The following SREBF2 variants were observed in gnomAD, a reference collection of about 807,000 sequenced individuals.
SREBF2 encodes sterol regulatory element binding transcription factor 2.
SREBF2 carries 55 observed loss-of-function variants against 113.1 expected under a neutral mutation model. The ratio of observed to expected loss-of-function variants is 0.49; its 90% CI spans 0.39 to 0.61. SREBF2 has a LOEUF of 0.61. SREBF2 is among the 20% of genes least tolerant of loss of function. The pLI is 0.00. For missense variants in SREBF2, 1,349 were observed against 1,487.4 expected, an observed-to-expected ratio of 0.91 and a Z score of 1.53; for synonymous variants, 593 against 605.7, an observed-to-expected ratio of 0.98 and a Z score of 0.31.
intron 17 of SREBF2, 40 bp downstream of exon 17, chr22:41,903,195 C>T (rs1473936217): frequency 6.5e-7 from 1 of 1,542,096 alleles, no homozygotes; most frequent in Non-Finnish European, 8.7e-7. Context: ...CAGATTGGAG[C>T]CTGTGGGGCC....
At chr22:41,880,659 C>T in intron 9 of SREBF2, 57 bp from the exon 10 acceptor site, 1 of 1,611,468 alleles carries the variant, frequency 6.2e-7, no homozygotes, top group Non-Finnish European at 8.5e-7. Context: ...AAGTCTATAT[C>T]AAAACAAAAA....
rs576787222 is a variant in SREBF2 at position 41,902,095 on chromosome 22, A to T, written c.2908-875A>T. Reference sequence around the variant, plus strand: ...TCAAGGCCTTGTGCAGGGACAGGGCAGGGTCTTCCTCAGGCCCAGTGTCCT... The same window carrying T: ...TCAAGGCCTTGTGCAGGGACAGGGCTGGGTCTTCCTCAGGCCCAGTGTCCT... On this transcript the variant is annotated intron_variant, in intron 16 of 18. Transcript: ENST00000361204. 2.1e-3 allele frequency among the ~76,000 whole-genome samples: 314 copies of T among 152,362 alleles called. 1 individual carries two copies. Among genetic ancestry groups the T allele is most frequent in the African/African-American group, 6.9e-3 (289 of 41,594 alleles).
At position 41,891,573 on chromosome 22, in the gene SREBF2, C is replaced by G. The variant is rs549125555; in HGVS notation, c.2209-1544C>G. Among the ~76,000 whole-genome samples, 164 of 152,322 alleles carry G rather than the reference C, an allele frequency of 1.1e-3. 1 individual carries two copies. The highest frequency in any genetic ancestry group is 1.8e-3 in the Non-Finnish European group (125 of 68,040). On this transcript the variant is annotated intron_variant, in intron 11 of 18. Transcript: ENST00000361204. Reference sequence around the variant, plus strand: ...CACTCTGACAGTGCTATTTCTGACCCTGGCATTCAAGTCTTCTGAAGCCGT... The same window carrying G: ...CACTCTGACAGTGCTATTTCTGACCGTGGCATTCAAGTCTTCTGAAGCCGT...
intron 1 of SREBF2, among the ~76,000 whole-genome samples, chr22:41,864,323 A>ATT (rs1300330185): frequency 5.1e-5 from 4 of 77,920 alleles, no homozygotes; most frequent in African/African-American, 1.7e-4. Context: ...ATATATATAT[A>ATT]TTTTTTTTTT....
At chr22:41,877,505 G>A (rs1354516613) in intron 8 of SREBF2, 84 bp downstream of exon 8, 2 of 1,498,488 alleles carry the variant, frequency 1.3e-6, no homozygotes, top group East Asian at 4.8e-5. Context: ...TTCTTGGCTT[G>A]GCTACCAGGT....
chr22:41,861,444 C>T (rs1439621209), intron 1 of SREBF2, among the ~76,000 whole-genome samples: 1 of 151,394 alleles, frequency 6.6e-6, no homozygotes, highest in East Asian at 1.9e-4. Context: ...TGTGGTGAGC[C>T]AAGATCATGC....
intron 1 of SREBF2, among the ~76,000 whole-genome samples, chr22:41,844,145 T>C (rs1466378853): frequency 1.3e-5 from 2 of 152,016 alleles, no homozygotes; most frequent in Non-Finnish European, 2.9e-5. Context: ...CCCTGGGTCC[T>C]AGGGTACTTT....
At chr22:41,896,657 C>G (rs1054476754) in intron 13 of SREBF2, among the ~76,000 whole-genome samples, 1 of 152,204 alleles carries the variant, frequency 6.6e-6, no homozygotes, top group Non-Finnish European at 1.5e-5. Flanking sequence ...CCGTGCCCGG[C>G]CCCAAAGTCA....
intron 11 of SREBF2, 108 bp from the exon 12 acceptor site, chr22:41,893,009 C>T (rs1295767437): frequency 3.7e-6 from 5 of 1,354,000 alleles, no homozygotes; most frequent in Non-Finnish European, 1.0e-6. Context: ...TGATCTTTCC[C>T]AGTCTCCCCC....
intron 1 of SREBF2, among the ~76,000 whole-genome samples, chr22:41,855,380 G>A (rs1002849807): frequency 1.3e-5 from 2 of 152,084 alleles, no homozygotes; most frequent in East Asian, 1.9e-4. Context: ...ACAAAAATTA[G>A]CTGGGTGTGG....
At chr22:41,896,886 G>A (rs1166726129) in intron 13 of SREBF2, among the ~76,000 whole-genome samples, 166 bp from the exon 14 acceptor site, 2 of 152,174 alleles carry the variant, frequency 1.3e-5, no homozygotes, top group East Asian at 3.9e-4. Context: ...GGATGCCTGA[G>A]GAATACAAAG....
intron 1 of SREBF2, among the ~76,000 whole-genome samples, chr22:41,852,045 C>G (rs907622224): frequency 2.6e-5 from 4 of 151,818 alleles, no homozygotes; most frequent in Non-Finnish European, 5.9e-5. Context: ...GGTGTGAACC[C>G]GGGAGGTGGA....
intron 4 of SREBF2, 45 bp from the exon 5 acceptor site, chr22:41,873,753 G>A: frequency 6.4e-7 from 1 of 1,555,302 alleles, no homozygotes; most frequent in East Asian, 2.4e-5. Context: ...GCTTTATGCA[G>A]ACTAACAAAG....
chr22:41,855,862 C>G (rs1325201526), intron 1 of SREBF2, among the ~76,000 whole-genome samples: 1 of 151,160 alleles, frequency 6.6e-6, no homozygotes, highest in Admixed American at 6.6e-5. Context: ...CTCAAGTGAT[C>G]CTCCCACCTC....
At chr22:41,887,190 GGGTGACA>G (rs2077307803) in intron 11 of SREBF2, among the ~76,000 whole-genome samples, 1 of 152,086 alleles carries the variant, frequency 6.6e-6, no homozygotes, top group Non-Finnish European at 1.5e-5. Context: ...ACTCCAGCCT[GGGTGACA>G]GAGTGAGTGA....
rs141938081 is a variant in SREBF2, at chr22:41,858,812, T to C, written c.89-8019T>C. On this transcript the variant is annotated intron_variant, in intron 1 of 18. Transcript: ENST00000361204. Reference sequence around the variant, plus strand: ...AGGATCACAACAATAAAAAATCTCATAGGTGACCAAAAAAAGGAAAAGATT... The same window carrying C: ...AGGATCACAACAATAAAAAATCTCACAGGTGACCAAAAAAAGGAAAAGATT... Among the ~76,000 whole-genome samples the C allele has an allele frequency of 4.8e-3, 727 of 151,812 alleles. 7 individuals carry two copies. The highest frequency in any genetic ancestry group is 0.015 in the African/African-American group (637 of 41,416).
chr22:41,898,320 G>A (rs1313428489), intron 14 of SREBF2, among the ~76,000 whole-genome samples: 1 of 152,184 alleles, frequency 6.6e-6, no homozygotes, highest in Non-Finnish European at 1.5e-5. Flanking sequence ...GTTTCACCAT[G>A]TTGGCCAGGC....
rs568329599 is a variant in SREBF2, at chr22:41,848,256, C to T, written c.88+14898C>T. Among the ~76,000 whole-genome samples the T allele has an allele frequency of 2.9e-4, 44 of 152,064 alleles. 1 individual carries two copies. On this transcript the variant is annotated intron_variant, in intron 1 of 18. Coordinates refer to ENST00000361204, the MANE Select transcript of SREBF2 (RefSeq NM_004599.4). ...CCCAATGCTATCCCTCCCTCCTCCC[C>T]CTGTATTTTTTTAGTAGAGACGGAG...
chr22:41,907,278 T>C lies in SREBF2; in HGVS notation c.*1618T>C, dbSNP rs1361709769. ...AATCAGTCACTGTGTCCCAGACATA[T>C]TCAATAAACACAGATTGGTACCACC... On this transcript the variant is annotated 3_prime_UTR_variant, in exon 19 of 19. Coordinates refer to ENST00000361204, the MANE Select transcript of SREBF2 (RefSeq NM_004599.4). 1.3e-5 allele frequency: 2 copies of C among 152,352 alleles called. No individual in the cohort carries two copies. Among genetic ancestry groups the C allele is most frequent in the East Asian group, 3.9e-4 (2 of 5,188 alleles). 9.4% of individuals were successfully genotyped at this position (152,352 alleles called of 1,614,324 possible). A position where few individuals can be genotyped will look rare whatever the true frequency, so the allele number is the denominator to read the frequency against.
Sources: gnomAD v4.1 joint callset for allele counts (sites outside exome capture counted in the v4.1 genomes callset) on GRCh38, gnomAD v4.1.1 for gene constraint, MANE v1.5 for transcripts, NCBI Gene and HGNC (gene_info 2026-07-23, HGNC 2026-07-21) for gene names.